The following FBXL7 variants were observed in gnomAD, a reference collection of about 807,000 sequenced individuals.
FBXL7 encodes F-box/LRR-repeat protein 7.
In FBXL7, 12 loss-of-function variants were observed where a neutral mutation model predicts 38.3. The ratio of observed to expected loss-of-function variants is 0.31; its 90% CI spans 0.20 to 0.51. The LOEUF is 0.51. Ranked by LOEUF, FBXL7 falls within the 20% of genes least tolerant of loss-of-function variation. FBXL7 has a pLI of 0.98. For synonymous variants in FBXL7, 297 were observed against 300.9 expected (o/e 0.99, Z 0.13); for missense variants, 567 against 676.4 (o/e 0.84, Z 1.79).
intron 2 of FBXL7, among the ~76,000 whole-genome samples, chr5:15,851,823 C>A: frequency 7.0e-6 from 1 of 143,488 alleles, no homozygotes; most frequent in Non-Finnish European, 1.5e-5. Flanking sequence ...TACACACACA[C>A]ACACACACAC....
intron 2 of FBXL7, among the ~76,000 whole-genome samples, chr5:15,815,223 T>C (rs968316557): frequency 1.3e-5 from 2 of 152,198 alleles, no homozygotes; most frequent in Non-Finnish European, 2.9e-5. Context: ...TGCAGCTAAT[T>C]ATCTCATTGA....
At chr5:15,852,822 T>C (rs1579521477) in intron 2 of FBXL7, among the ~76,000 whole-genome samples, 1 of 152,340 alleles carries the variant, frequency 6.6e-6, no homozygotes, top group East Asian at 1.9e-4. Flanking sequence ...TTCTTACTAG[T>C]TCAGTTTGGC....
At chr5:15,567,827 AT>A (rs1738636761) in intron 1 of FBXL7, among the ~76,000 whole-genome samples, 1 of 150,776 alleles carries the variant, frequency 6.6e-6, no homozygotes, top group South Asian at 2.1e-4. Flanking sequence ...GTTCCCACCT[AT>A]GAGTGAGAAC....
intron 2 of FBXL7, among the ~76,000 whole-genome samples, chr5:15,735,440 G>C (rs141263524): frequency 6.9e-4 from 105 of 152,334 alleles, no homozygotes; most frequent in Non-Finnish European, 1.4e-3. Context: ...TGTGTAAGCA[G>C]TGATGATGGG....
chr5:15,753,564 AT>A (rs933788287), intron 2 of FBXL7, among the ~76,000 whole-genome samples: 1 of 151,644 alleles, frequency 6.6e-6, no homozygotes, highest in Non-Finnish European at 1.5e-5. Context: ...GCTCATGGCT[AT>A]TTTTTCTACA....
chr5:15,517,220 G>T (rs913279069), intron 1 of FBXL7, among the ~76,000 whole-genome samples: 18 of 151,974 alleles, frequency 1.2e-4, no homozygotes, highest in African/African-American at 4.3e-4. Flanking sequence ...TAGAGACGGG[G>T]TTTCACCGTG....
chr5:15,827,993 T>C (rs1237058455), intron 2 of FBXL7, among the ~76,000 whole-genome samples: 1 of 152,198 alleles, frequency 6.6e-6, no homozygotes, highest in Non-Finnish European at 1.5e-5. Flanking sequence ...CAGAACTGTT[T>C]TCTGTGGAAA....
intron 2 of FBXL7, among the ~76,000 whole-genome samples, chr5:15,633,318 G>T (rs1474702865): frequency 6.6e-6 from 1 of 152,014 alleles, no homozygotes; most frequent in Non-Finnish European, 1.5e-5. Flanking sequence ...TGTTGAATGT[G>T]ACTTGATCAA....
intron 1 of FBXL7, among the ~76,000 whole-genome samples, chr5:15,522,566 C>G (rs1297798627): frequency 6.6e-6 from 1 of 152,196 alleles, no homozygotes; most frequent in Non-Finnish European, 1.5e-5. Flanking sequence ...ACATCCCTGA[C>G]TTAGGTTTTA....
At chr5:15,594,838 C>T (rs574902486) in intron 1 of FBXL7, among the ~76,000 whole-genome samples, 26 of 152,342 alleles carry the variant, frequency 1.7e-4, no homozygotes, top group African/African-American at 5.3e-4. Context: ...GCAGGAGAAA[C>T]GCTGTCTTCT....
At chr5:15,617,223 G>A (rs940818404) in intron 2 of FBXL7, among the ~76,000 whole-genome samples, 1 of 152,110 alleles carries the variant, frequency 6.6e-6, no homozygotes, top group Admixed American at 6.6e-5. Flanking sequence ...TATTCTCCAT[G>A]CTTAAAACCT....
At chr5:15,810,889 A>G (rs1025967442) in intron 2 of FBXL7, among the ~76,000 whole-genome samples, 5 of 152,218 alleles carry the variant, frequency 3.3e-5, no homozygotes, top group Admixed American at 6.5e-5. Context: ...GGCACTTAAC[A>G]CATATCTCTC....
chr5:15,868,554 T>C (rs1203703904), intron 2 of FBXL7, among the ~76,000 whole-genome samples: 1 of 152,186 alleles, frequency 6.6e-6, no homozygotes, highest in African/African-American at 2.4e-5. Context: ...GTGGCCACAT[T>C]CTGTACATGG....
chr5:15,858,715 A>G (rs1739346885), intron 2 of FBXL7, among the ~76,000 whole-genome samples: 1 of 152,126 alleles, frequency 6.6e-6, no homozygotes, highest in Non-Finnish European at 1.5e-5. Context: ...TTTGCTTTTT[A>G]AAGGAGCCAA....
At chr5:15,867,843 T>C (rs2126818864) in intron 2 of FBXL7, among the ~76,000 whole-genome samples, 1 of 152,210 alleles carries the variant, frequency 6.6e-6, no homozygotes, top group East Asian at 1.9e-4. Flanking sequence ...CAGTGGCTCA[T>C]GCCTGTAATC....
chr5:15,736,900 TATC>T (rs1282063275), intron 2 of FBXL7, among the ~76,000 whole-genome samples: 2 of 152,178 alleles, frequency 1.3e-5, no homozygotes. Flanking sequence ...GACCTAGAAT[TATC>T]ATAATATCTG....
chr5:15,541,481 A>ATATATATATATATATATATATAC (rs1737751675), intron 1 of FBXL7, among the ~76,000 whole-genome samples: 1 of 129,784 alleles, frequency 7.7e-6, no homozygotes, highest in African/African-American at 2.9e-5. Flanking sequence ...ATATATATAT[A>ATATATATATATATATATATATAC]AAGGTATAGC....
At chr5:15,846,208 A>G (rs996209564) in intron 2 of FBXL7, among the ~76,000 whole-genome samples, 18 of 152,248 alleles carry the variant, frequency 1.2e-4, no homozygotes, top group African/African-American at 4.1e-4. Flanking sequence ...TGATTGTAAT[A>G]GAGTTCTTCT....
rs565321914 is a variant in FBXL7 at position 15,509,625 on chromosome 5, A to G, written c.37+8912A>G. 5.3e-5 allele frequency among the ~76,000 whole-genome samples: 8 copies of G among 152,350 alleles called. No homozygotes were observed. The South Asian group carries it at 8.3e-4, about 16-fold the overall frequency. ...CCAAAACCAACAACAACAACAAAAA[A>G]AAGTGAGTAGCTGGGAGGAAGTAGA... On this transcript the variant is annotated intron_variant, in intron 1 of 3. Transcript: ENST00000504595.
Sources: allele counts gnomAD v4.1 joint callset (sites outside exome capture counted in the v4.1 genomes callset), GRCh38; gene constraint gnomAD v4.1.1; transcripts MANE v1.5; gene names NCBI Gene and HGNC (gene_info 2026-07-23, HGNC 2026-07-21).